QTRT2: variants seen among roughly 807,000 people sequenced by gnomAD.
The protein encoded by QTRT2 is queuine tRNA-ribosyltransferase domain containing 1.
Under a neutral mutation model 44.8 loss-of-function variants are expected in QTRT2, and 32 were observed. The ratio of observed to expected loss-of-function variants is 0.71; its 90% confidence interval spans 0.54 to 0.96. QTRT2 has a LOEUF of 0.96. Ranked by LOEUF, QTRT2 falls within the 40% of genes least tolerant of loss-of-function variation. QTRT2 has a pLI of 0.00. For synonymous variants in QTRT2, 182 were observed against 187.4 expected (o/e 0.97, Z 0.24); for missense variants, 461 against 503.1 (o/e 0.92, Z 0.80).
chr3:114,067,903 C>A, intron 4 of QTRT2, 84 bp from the exon 5 acceptor site: 1 of 1,159,528 alleles, frequency 8.6e-7, no homozygotes. Context: ...TTCAGCAGTA[C>A]ACATTGCGAA....
chr3:114,073,528 C>G (rs778035745), intron 6 of QTRT2, among the ~76,000 whole-genome samples: 1 of 152,100 alleles, frequency 6.6e-6, no homozygotes, highest in East Asian at 1.9e-4. Context: ...TACAGGCACA[C>G]GCCACCACAC....
At chr3:114,062,011 TAA>T (rs35348583) in intron 2 of QTRT2, among the ~76,000 whole-genome samples, 16 of 135,764 alleles carry the variant, frequency 1.2e-4, no homozygotes, top group African/African-American at 1.6e-4. Context: ...CAGGATATTC[TAA>T]AAAAAAAAAA....
intron 5 of QTRT2, among the ~76,000 whole-genome samples, chr3:114,068,964 A>G (rs982958309): frequency 6.6e-6 from 1 of 151,914 alleles, no homozygotes; most frequent in African/African-American, 2.4e-5. Context: ...CAAGAGAATC[A>G]CTTGAACCTG....
intron 2 of QTRT2, 41 bp downstream of exon 2, chr3:114,057,147 G>C (rs1275860825): frequency 8.8e-7 from 1 of 1,132,480 alleles, no homozygotes; most frequent in Admixed American, 4.0e-5. Flanking sequence ...CTGCCCATGG[G>C]AGGGTGGGAC....
intron 9 of QTRT2, among the ~76,000 whole-genome samples, chr3:114,084,457 CAG>C (rs956770717): frequency 2.0e-5 from 3 of 152,038 alleles, no homozygotes; most frequent in Non-Finnish European, 4.4e-5. Context: ...GTCTCTAAAA[CAG>C]ATTATCTGGG....
chr3:114,085,530 C>T, intron 9 of QTRT2, 143 bp from the exon 10 acceptor site: 1 of 737,712 alleles, frequency 1.4e-6, no homozygotes, highest in East Asian at 2.5e-5. Context: ...AACCATATTG[C>T]CATTTTAAGC....
intron 6 of QTRT2, 28 bp from the exon 7 acceptor site, chr3:114,076,715 T>A: frequency 6.2e-7 from 1 of 1,609,464 alleles, no homozygotes; most frequent in South Asian, 1.1e-5. Context: ...TGAAAATGGT[T>A]AAAAACATAT....
chr3:114,085,912 C>A lies in QTRT2; in HGVS notation c.*8C>A, dbSNP rs766363583. The A allele has an allele frequency of 5.6e-6, 9 of 1,598,786 alleles. No individual in the cohort carries two copies. The highest frequency in any genetic ancestry group is 5.0e-5 in the Admixed American group (3 of 59,992). On this transcript the variant is annotated 3_prime_UTR_variant, in exon 10 of 10. Transcript: ENST00000281273. Reference sequence around the variant, plus strand: ...CACAGGCAAGCATCTTGAGATCTTGCAAATACAAGTCTCACTCTTCACACT... The same window carrying A: ...CACAGGCAAGCATCTTGAGATCTTGAAAATACAAGTCTCACTCTTCACACT...
At chr3:114,085,119 CT>C (rs1484302036) in intron 9 of QTRT2, among the ~76,000 whole-genome samples, 1 of 152,208 alleles carries the variant, frequency 6.6e-6, no homozygotes, top group Non-Finnish European at 1.5e-5. Context: ...TGAATTTCTT[CT>C]GATGCTCCTT....
Position 114,085,838 on chromosome 3 carries a change from C to A in QTRT2, c.1182C>A (p.Ile394=). 6.2e-7 allele frequency: 1 copy of A among 1,614,152 alleles called. No homozygotes were observed. The highest frequency in any genetic ancestry group is 1.3e-5 in the African/African-American group (1 of 75,018). ...ACTACTTTGGGTTTTTCCATTACAT[C>A]CGGGAAGCACTAAAAAGTGACAAAC... ...FEHYFGFFHY[I]REALKSDKLA... The change falls in exon 10 of 10, where the codon ATC becomes ATA. Residue 394 remains isoleucine, a synonymous_variant. Transcript: ENST00000281273.
intron 7 of QTRT2, chr3:114,077,511 A>G (rs888861862): frequency 6.5e-6 from 1 of 152,698 alleles, no homozygotes; most frequent in Non-Finnish European, 1.5e-5. Context: ...GACGATCTGC[A>G]AGATTTGAAG....
chr3:114,069,071 C>T (rs903697148), intron 5 of QTRT2, among the ~76,000 whole-genome samples: 3 of 150,228 alleles, frequency 2.0e-5, no homozygotes, highest in African/African-American at 7.4e-5. Context: ...AAAAAAAATA[C>T]TTTGACTTCC....
chr3:114,085,916 T>C lies in QTRT2; in HGVS notation c.*12T>C. On this transcript the variant is annotated 3_prime_UTR_variant, in exon 10 of 10. Transcript: ENST00000281273. ...GGCAAGCATCTTGAGATCTTGCAAATACAAGTCTCACTCTTCACACTGAGC... is the reference window on the plus strand; with the variant it reads ...GGCAAGCATCTTGAGATCTTGCAAACACAAGTCTCACTCTTCACACTGAGC... 1 of 1,591,792 alleles carries C rather than the reference T, an allele frequency of 6.3e-7. No homozygotes were observed. The highest frequency in any genetic ancestry group is 2.2e-5 in the East Asian group (1 of 44,784).
chr3:114,073,799 C>T (rs1185256192), intron 6 of QTRT2, among the ~76,000 whole-genome samples: 1 of 152,138 alleles, frequency 6.6e-6, no homozygotes, highest in South Asian at 2.1e-4. Context: ...ATTATATGAT[C>T]GTGCTTCTTA....
rs1375296075 is a variant in QTRT2 at position 114,086,215 on chromosome 3, T to A, written c.*311T>A. 3.0e-6 allele frequency: 1 copy of A among 330,698 alleles called. No individual in the cohort carries two copies. Among genetic ancestry groups the A allele is most frequent in the Non-Finnish European group, 5.8e-6 (1 of 171,710 alleles). The allele number at this position is 330,698 out of a possible 1,614,324, so 20.5% of individuals were successfully genotyped here. A position where few individuals can be genotyped will look rare whatever the true frequency, so the allele number is the denominator to read the frequency against. On this transcript the variant is annotated 3_prime_UTR_variant, in exon 10 of 10. Transcript: ENST00000281273. ...TAACTGTGAGGGCACAGCCTTGAAG[T>A]GGGAGTGATGAGATTCTGAGGGACC...
intron 7 of QTRT2, chr3:114,078,480 A>G (rs905442331): frequency 2.6e-5 from 4 of 151,888 alleles, no homozygotes; most frequent in African/African-American, 9.7e-5. Flanking sequence ...AGTTCATAGA[A>G]AGGGGCTATA....
At chr3:114,059,992 G>A (rs542438510) in intron 2 of QTRT2, among the ~76,000 whole-genome samples, 1 of 152,282 alleles carries the variant, frequency 6.6e-6, no homozygotes, top group African/African-American at 2.4e-5. Context: ...TATATCACAG[G>A]AGAGCCCATC....
At chr3:114,070,463 G>T (rs1346282714) in intron 5 of QTRT2, among the ~76,000 whole-genome samples, 163 bp from the exon 6 acceptor site, 1 of 152,110 alleles carries the variant, frequency 6.6e-6, no homozygotes, top group Admixed American at 6.5e-5. Context: ...ACCACTGAAG[G>T]ATTATCTGTA....
intron 3 of QTRT2, 116 bp from the exon 4 acceptor site, chr3:114,066,112 A>G: frequency 2.8e-6 from 2 of 704,912 alleles, no homozygotes. Flanking sequence ...GTGTAATTCA[A>G]GACAGCATTT....
Sources: allele counts gnomAD v4.1 joint callset (sites outside exome capture counted in the v4.1 genomes callset), GRCh38; gene constraint gnomAD v4.1.1; transcripts MANE v1.5; gene names NCBI Gene and HGNC (gene_info 2026-07-23, HGNC 2026-07-21).